The following GABRG3 variants were observed in gnomAD, a reference collection of about 807,000 sequenced individuals.
GABRG3 encodes gamma-aminobutyric acid type A receptor subunit gamma3, also known as gamma-aminobutyric acid receptor subunit gamma-3.
GABRG3 carries 25 observed loss-of-function variants against 48.8 expected under a neutral mutation model. The observed-to-expected ratio is 0.51, with a 90% CI of 0.37 to 0.72. The LOEUF (loss-of-function observed/expected upper bound fraction) is 0.72. GABRG3 is among the 30% of genes least tolerant of loss of function. GABRG3 has a pLI of 0.00. For missense variants in GABRG3, 394 were observed against 577.9 expected (o/e 0.68, Z 3.26); for synonymous variants, 227 against 217.6 (o/e 1.04, Z -0.38).
At chr15:27,406,821 T>C (rs1887649606) in intron 5 of GABRG3, among the ~76,000 whole-genome samples, 1 of 152,190 alleles carries the variant, frequency 6.6e-6, no homozygotes, top group Admixed American at 6.5e-5. Flanking sequence ...TAATGGAAGA[T>C]TAACAATAGT....
chr15:27,359,478 A>C (rs1044953867), intron 5 of GABRG3, among the ~76,000 whole-genome samples: 1 of 152,218 alleles, frequency 6.6e-6, no homozygotes, highest in Non-Finnish European at 1.5e-5. Context: ...CTTTATTTTG[A>C]AAGTGATTGA....
intron 2 of GABRG3, among the ~76,000 whole-genome samples, chr15:27,004,624 C>T (rs1034781383): frequency 6.6e-6 from 1 of 152,124 alleles, no homozygotes; most frequent in Non-Finnish European, 1.5e-5. Flanking sequence ...TGTAGCCAGC[C>T]GAGATCACGC....
chr15:27,269,884 T>A (rs1318652564), intron 3 of GABRG3, among the ~76,000 whole-genome samples: 1 of 152,204 alleles, frequency 6.6e-6, no homozygotes, highest in African/African-American at 2.4e-5. Context: ...CAAATATATA[T>A]GCCTATATTA....
chr15:27,496,254 A>G lies in GABRG3; in HGVS notation c.712+15467A>G, dbSNP rs149352098. On this transcript the variant is annotated intron_variant, in intron 6 of 9. Transcript: ENST00000615808. ...AGTGGAGGAGTTGGGGGATCACATT[A>G]CAACAGAACAGTGGGCAAGCCTAGC... Among the ~76,000 whole-genome samples the G allele has an allele frequency of 1.9e-4, 29 of 151,264 alleles. No individual in the cohort carries two copies. In the East Asian group the frequency reaches 4.6e-3, roughly 24 times the overall value.
intron 2 of GABRG3, among the ~76,000 whole-genome samples, chr15:26,977,998 T>C (rs766705040): frequency 1.3e-5 from 2 of 152,238 alleles, no homozygotes; most frequent in Non-Finnish European, 2.9e-5. Flanking sequence ...ATTTTCACTA[T>C]TTTTTATTTT....
At chr15:27,226,750 G>T (rs1256707407) in intron 3 of GABRG3, among the ~76,000 whole-genome samples, 1 of 152,188 alleles carries the variant, frequency 6.6e-6, no homozygotes, top group Non-Finnish European at 1.5e-5. Flanking sequence ...TCCCCCTCTG[G>T]CCCTGAGAGA....
chr15:27,417,715 T>G (rs533311535), intron 5 of GABRG3, among the ~76,000 whole-genome samples: 2 of 152,314 alleles, frequency 1.3e-5, no homozygotes, highest in East Asian at 3.9e-4. Context: ...AAGATCATCT[T>G]GGGTCAAGTG....
intron 5 of GABRG3, among the ~76,000 whole-genome samples, chr15:27,396,565 C>T (rs543622661): frequency 1.3e-5 from 2 of 152,204 alleles, no homozygotes; most frequent in African/African-American, 4.8e-5. Context: ...AATGGTATAG[C>T]GACTTTAGAA....
chr15:27,223,471 C>T (rs1409340290), intron 3 of GABRG3, among the ~76,000 whole-genome samples: 2 of 151,968 alleles, frequency 1.3e-5, no homozygotes, highest in African/African-American at 4.8e-5. Flanking sequence ...ACCAGAGGGT[C>T]AATTTCTATG....
intron 3 of GABRG3, among the ~76,000 whole-genome samples, chr15:27,183,611 TAA>T (rs925587370): frequency 5.9e-5 from 9 of 152,330 alleles, no homozygotes; most frequent in African/African-American, 1.2e-4. Context: ...CGAATTATTT[TAA>T]AAAACAAACA....
chr15:27,017,652 T>C (rs1895804760), intron 2 of GABRG3, among the ~76,000 whole-genome samples: 1 of 152,212 alleles, frequency 6.6e-6, no homozygotes, highest in Non-Finnish European at 1.5e-5. Flanking sequence ...CACCCTGTGG[T>C]ACTTGGCGGG....
At chr15:27,016,665 C>T (rs984468982) in intron 2 of GABRG3, among the ~76,000 whole-genome samples, 2 of 152,094 alleles carry the variant, frequency 1.3e-5, no homozygotes, top group Non-Finnish European at 2.9e-5. Flanking sequence ...GGGAAGTTTT[C>T]AGCCATTATT....
intron 3 of GABRG3, among the ~76,000 whole-genome samples, chr15:27,279,251 A>C (rs1184988101): frequency 6.6e-6 from 1 of 152,096 alleles, no homozygotes; most frequent in Non-Finnish European, 1.5e-5. Context: ...TGGAGAGCAA[A>C]GATTTTAAAT....
intron 4 of GABRG3, 135 bp from the exon 5 acceptor site, chr15:27,328,671 G>A (rs1048991258): frequency 3.0e-6 from 2 of 659,436 alleles, no homozygotes; most frequent in Non-Finnish European, 5.5e-6. Context: ...AATGGTTCCC[G>A]GGCCAAGAGT....
chr15:27,181,425 C>T (rs528466224), intron 3 of GABRG3, among the ~76,000 whole-genome samples: 7 of 152,214 alleles, frequency 4.6e-5, no homozygotes, highest in South Asian at 4.1e-4. Flanking sequence ...CAAATGGCTG[C>T]GGATGCTGCA....
chr15:27,456,393 T>C (rs533545635), intron 5 of GABRG3, among the ~76,000 whole-genome samples: 3 of 152,310 alleles, frequency 2.0e-5, no homozygotes, highest in African/African-American at 7.2e-5. Flanking sequence ...ACCAGCATGG[T>C]GTGCAGAAGG....
intron 3 of GABRG3, among the ~76,000 whole-genome samples, chr15:27,177,448 G>A (rs894922937): frequency 3.3e-5 from 5 of 152,164 alleles, no homozygotes; most frequent in Admixed American, 2.6e-4. Context: ...CAGTATTCAA[G>A]CCCCATGATC....
intron 3 of GABRG3, among the ~76,000 whole-genome samples, chr15:27,107,850 A>G (rs1897478626): frequency 6.6e-6 from 1 of 151,584 alleles, no homozygotes; most frequent in Admixed American, 6.6e-5. Context: ...CAATTTATCA[A>G]ATTTGCATAG....
At chr15:27,129,879 A>G (rs1251270202) in intron 3 of GABRG3, among the ~76,000 whole-genome samples, 2 of 152,110 alleles carry the variant, frequency 1.3e-5, no homozygotes, top group Non-Finnish European at 2.9e-5. Flanking sequence ...TCGTTTGTCC[A>G]GTTTAAATCA....
Sources: gnomAD v4.1 joint callset for allele counts (sites outside exome capture counted in the v4.1 genomes callset) on GRCh38, gnomAD v4.1.1 for gene constraint, MANE v1.5 for transcripts, NCBI Gene and HGNC (gene_info 2026-07-23, HGNC 2026-07-21) for gene names.